GABRB3: variants seen among roughly 807,000 people sequenced by gnomAD.
GABRB3 encodes gamma-aminobutyric acid type A receptor subunit beta3, also known as gamma-aminobutyric acid receptor subunit beta-3.
In GABRB3, 14 loss-of-function variants were observed where a neutral mutation model predicts 52.1. The observed-to-expected ratio is 0.27, with a 90% CI of 0.18 to 0.42. The LOEUF (loss-of-function observed/expected upper bound fraction) is 0.42. GABRB3 is among the 10% of genes least tolerant of loss of function. GABRB3 has a pLI of 1.00. For synonymous variants in GABRB3, 260 were observed against 232.3 expected (o/e 1.12, Z -1.08); for missense variants, 307 against 609.1 (o/e 0.50, Z 5.22).
chr15:26,622,022 A>C (rs1892502396), intron 3 of GABRB3, among the ~76,000 whole-genome samples: 3 of 152,060 alleles, frequency 2.0e-5, no homozygotes, highest in Admixed American at 2.0e-4. Context: ...ACCTTCCATA[A>C]ACATCCTCTG....
At chr15:26,623,462 C>T (rs578086431) in intron 3 of GABRB3, among the ~76,000 whole-genome samples, 5 of 152,050 alleles carry the variant, frequency 3.3e-5, no homozygotes, top group South Asian at 2.1e-4. Flanking sequence ...TTCCGAGAGA[C>T]GGCTAGCAAC....
chr15:26,711,565 A>C (rs772200534), intron 3 of GABRB3, among the ~76,000 whole-genome samples: 3 of 152,042 alleles, frequency 2.0e-5, no homozygotes, highest in Non-Finnish European at 4.4e-5. Context: ...TAGATTTGTC[A>C]ACACTACCTC....
At chr15:26,629,151 G>A (rs1444333859) in intron 3 of GABRB3, 1 of 1,512,066 alleles carries the variant, frequency 6.6e-7, no homozygotes, top group Non-Finnish European at 8.8e-7. Context: ...AGGCGCAGGG[G>A]CGGAGTGTGG....
rs368259836 is a variant in GABRB3, at chr15:26,772,872, C to T, written c.80+11G>A. 387 of 1,464,256 alleles carry T rather than the reference C, an allele frequency of 2.6e-4. 6 individuals are homozygous for T. In the Admixed American group the frequency reaches 8.9e-3, roughly 34 times the overall value. 90.7% of individuals were successfully genotyped at this position (1,464,256 alleles called of 1,614,324 possible). ...CCTGCCCGCCGCCCGCCGGCCCACC[C>T]GCGACCCTACCTCTGGGCGCAGCAC... is the stretch of plus-strand genomic sequence containing the variant. On this transcript the variant is annotated intron_variant, in intron 1 of 8. Transcript: ENST00000311550.
chr15:26,547,818 A>G lies in GABRB3; in HGVS notation c.1397T>C (p.Val466Ala). Reference sequence around the variant, plus strand: ...TCAGTTAACATAGTACAGCCAGTAAACTAAGTTGAAAAGAGAAAAAGTGAA... The same window carrying G: ...TCAGTTAACATAGTACAGCCAGTAAGCTAAGTTGAAAAGAGAAAAAGTGAA... ...FPFTFSLFNLVYWLYYVN is the reference protein window; with the variant it reads ...FPFTFSLFNLAYWLYYVN The change falls in exon 9 of 9, where the codon GTT (valine) becomes GCT (alanine). Residue 466 changes from valine to alanine, a missense_variant. This residue lies in a region of GABRB3 where 115 missense variants were observed against 166.9 expected (regional missense o/e 0.69). Transcript: ENST00000311550. 1.9e-6 allele frequency: 3 copies of G among 1,614,030 alleles called. No individual in the cohort carries two copies. Among genetic ancestry groups the G allele is most frequent in the Non-Finnish European group, 2.5e-6 (3 of 1,180,006 alleles).
intron 3 of GABRB3, among the ~76,000 whole-genome samples, chr15:26,689,327 A>T (rs937116001): frequency 6.6e-6 from 1 of 152,114 alleles, no homozygotes; most frequent in Non-Finnish European, 1.5e-5. Flanking sequence ...TGAAAAAGAG[A>T]ACTTTATTTC....
chr15:26,668,730 G>A (rs747245653), intron 3 of GABRB3, among the ~76,000 whole-genome samples: 6 of 152,186 alleles, frequency 3.9e-5, no homozygotes, highest in Non-Finnish European at 8.8e-5. Flanking sequence ...GGAGTAAATT[G>A]TATGACTATA....
chr15:26,737,636 T>TGC (rs759236039), intron 3 of GABRB3, among the ~76,000 whole-genome samples: 1 of 152,032 alleles, frequency 6.6e-6, no homozygotes, highest in Non-Finnish European at 1.5e-5. Flanking sequence ...TGTGTGTGTG[T>TGC]GCGTGTGTAC....
chr15:26,655,696 C>A (rs1463054537), intron 3 of GABRB3, among the ~76,000 whole-genome samples: 2 of 150,326 alleles, frequency 1.3e-5, no homozygotes, highest in Non-Finnish European at 3.0e-5. Context: ...CAGCCAAGAT[C>A]GTGCCACTGC....
chr15:26,771,123 C>T (rs1891131805), intron 3 of GABRB3, among the ~76,000 whole-genome samples: 1 of 152,100 alleles, frequency 6.6e-6, no homozygotes, highest in African/African-American at 2.4e-5. Context: ...CCTATAAGAT[C>T]CTTAGTGGTA....
intron 3 of GABRB3, among the ~76,000 whole-genome samples, chr15:26,715,122 G>A (rs1485299397): frequency 1.3e-5 from 2 of 152,180 alleles, no homozygotes; most frequent in African/African-American, 4.8e-5. Context: ...GGGGGGGTCT[G>A]AGCTTGAAGC....
chr15:26,666,198 G>C (rs1316465769), intron 3 of GABRB3, among the ~76,000 whole-genome samples: 1 of 152,148 alleles, frequency 6.6e-6, no homozygotes, highest in Non-Finnish European at 1.5e-5. Flanking sequence ...CAGGGGAAAT[G>C]AATTGTTCAG....
chr15:26,723,887 G>A (rs1477610064), intron 3 of GABRB3, among the ~76,000 whole-genome samples: 2 of 151,936 alleles, frequency 1.3e-5, no homozygotes, highest in South Asian at 4.1e-4. Context: ...TTGTACCAGT[G>A]TTCCCTGACT....
chr15:26,692,288 T>A (rs1313303293), intron 3 of GABRB3, among the ~76,000 whole-genome samples: 1 of 152,110 alleles, frequency 6.6e-6, no homozygotes, highest in East Asian at 1.9e-4. Context: ...AAATACACTT[T>A]AACATTACAA....
chr15:26,692,345 C>G (rs974277050), intron 3 of GABRB3, among the ~76,000 whole-genome samples: 1 of 151,850 alleles, frequency 6.6e-6, no homozygotes, highest in African/African-American at 2.4e-5. Flanking sequence ...AAGGTAGTTA[C>G]AGCTAAACTA....
rs145448439 is a variant in GABRB3 at position 26,767,418 on chromosome 15, T to C, written c.240+4984A>G. 2.4e-3 allele frequency among the ~76,000 whole-genome samples: 373 copies of C among 152,318 alleles called. 1 individual carries two copies. Among genetic ancestry groups the C allele is most frequent in the African/African-American group, 8.6e-3 (359 of 41,580 alleles). ...TAAAGGACAGCCTGCTAACATGTGA[T>C]AGTGTGGGTGTCCTCACTGAGATTT... On this transcript the variant is annotated intron_variant, in intron 3 of 8. Transcript: ENST00000311550.
chr15:26,558,034 C>T (rs1889820461), intron 8 of GABRB3: 1 of 152,072 alleles, frequency 6.6e-6, no homozygotes, highest in African/African-American at 2.4e-5. Context: ...TTTGGAAAGA[C>T]AGCGTTGTAT....
intron 6 of GABRB3, among the ~76,000 whole-genome samples, chr15:26,576,358 TGA>T (rs1482277666): frequency 3.3e-5 from 5 of 152,196 alleles, no homozygotes; most frequent in African/African-American, 1.2e-4. Context: ...TTTCCTGAAA[TGA>T]AATTTTAAAA....
In GABRB3 at chr15:26,606,772, A is replaced by ATAGATATATCTATC. The variant is rs1566770499; in HGVS notation, c.461+14541_461+14542insGATAGATATATCTA. On this transcript the variant is annotated intron_variant, in intron 4 of 8. Coordinates refer to ENST00000311550, the MANE Select transcript of GABRB3 (RefSeq NM_000814.6). ...ATATCATACATATCTGTCTATCTATAGATAGATAGATATATCTATAGATAG... is the reference window on the plus strand; with the variant it reads ...ATATCATACATATCTGTCTATCTATATAGATATATCTATCGATAGATAGATATATCTATAGATAG... Among the ~76,000 whole-genome samples the ATAGATATATCTATC allele has an allele frequency of 1.2e-3, 96 of 81,774 alleles. 1 individual carries two copies. Among genetic ancestry groups the ATAGATATATCTATC allele is most frequent in the Non-Finnish European group, 1.7e-3 (53 of 31,236 alleles). The allele number at this position is 81,774 out of a possible 152,430, so 53.6% of individuals were successfully genotyped here.
Sources: allele counts gnomAD v4.1 joint callset (sites outside exome capture counted in the v4.1 genomes callset), GRCh38; gene constraint gnomAD v4.1.1; regional missense constraint gnomAD v4.1.1; transcripts MANE v1.5; gene names NCBI Gene and HGNC (gene_info 2026-07-23, HGNC 2026-07-21).